Variants in COL16A1 observed in about 807,000 individuals in gnomAD.
COL16A1 encodes collagen type XVI alpha 1 chain, also known as collagen alpha-1(XVI) chain.
A neutral mutation model predicts 266.3 loss-of-function variants in COL16A1; 189 were observed. The ratio of observed to expected loss-of-function variants is 0.71; its 90% CI spans 0.63 to 0.80. COL16A1 has a LOEUF of 0.80. Among genes scored for constraint, COL16A1 ranks in the 30% least tolerant of loss-of-function variants. The pLI, the probability that COL16A1 is intolerant of heterozygous loss-of-function variation, is 0.00. For missense variants in COL16A1, 1,928 were observed against 2,122.4 expected, an observed-to-expected ratio of 0.91 and a Z score of 1.80; for synonymous variants, 740 against 782.3, an observed-to-expected ratio of 0.95 and a Z score of 0.90.
chr1:31,661,808 G>T, intron 58 of COL16A1, 104 bp from the exon 59 acceptor site: 1 of 1,267,456 alleles, frequency 7.9e-7, no homozygotes, highest in Non-Finnish European at 1.1e-6. Flanking sequence ...GCTATCCTAA[G>T]ATGGAGGGAA....
Position 31,684,517 on chromosome 1 carries a change from ACTAACCTTTTCTC to A in COL16A1, c.2153_2160+5del. The A allele has an allele frequency of 1.2e-6, 2 of 1,610,496 alleles. No homozygotes were observed. The highest frequency in any genetic ancestry group is 1.7e-6 in the Non-Finnish European group (2 of 1,178,350). Reference sequence around the variant, plus strand: ...TCCCCGACCCCAACCACCCCGCCTGACTAACCTTTTCTCCTTTTGGCCCCGCGGGGCCCTGAAC... The same window carrying A: ...TCCCCGACCCCAACCACCCCGCCTGACTTTTGGCCCCGCGGGGCCCTGAAC... On this transcript the variant is annotated splice_donor_variant and splice_donor_5th_base_variant and coding_sequence_variant and intron_variant, in exon 31 of 71. Transcript: ENST00000373672. LOFTEE classifies it high-confidence loss of function.
chr1:31,670,984 C>G lies in COL16A1; in HGVS notation c.3151-338G>C, dbSNP rs533815949. Among the ~76,000 whole-genome samples the G allele has an allele frequency of 4.7e-4, 72 of 152,306 alleles. No homozygotes were observed. The highest frequency in any genetic ancestry group is 1.7e-3 in the African/African-American group (70 of 41,568). The stretch of plus-strand genomic sequence containing the variant: ...TGCCTGCCACCCGACCTCCACCTGT[C>G]CCCCGAGTGGGGGGCTCCCTGGCTC... On this transcript the variant is annotated intron_variant, in intron 48 of 70. Coordinates refer to ENST00000373672, the MANE Select transcript of COL16A1 (RefSeq NM_001856.4). This position sits in a 1 kb window ranked among gnomAD's most constrained non-coding sequence, Gnocchi z 4.5.
chr1:31,653,723 A>T (rs761433638), intron 69 of COL16A1, 47 bp from the exon 70 acceptor site: 6 of 1,595,906 alleles, frequency 3.8e-6, no homozygotes, highest in Non-Finnish European at 5.1e-6. Flanking sequence ...CAGAAAAATG[A>T]CACAGCCAGT....
intron 17 of COL16A1, 65 bp downstream of exon 17, chr1:31,691,940 T>C: frequency 6.2e-7 from 1 of 1,609,802 alleles, no homozygotes; most frequent in South Asian, 1.1e-5. Context: ...TTCCCGAAGG[T>C]TAAATCCCAG....
intron 59 of COL16A1, 25 bp downstream of exon 59, chr1:31,661,635 A>C (rs770150031): frequency 6.2e-7 from 1 of 1,613,970 alleles, no homozygotes; most frequent in East Asian, 2.2e-5. Flanking sequence ...CGCAGCTTCC[A>C]ACTCCTTCCT....
chr1:31,691,593 C>G lies in COL16A1; in HGVS notation c.1302+5G>C. The G allele has an allele frequency of 6.2e-7, 1 of 1,613,942 alleles. No homozygotes were observed. Among genetic ancestry groups the G allele is most frequent in the African/African-American group, 1.3e-5 (1 of 75,068 alleles). ...ATCTCCACCCCACAAACATCCACAA[C>G]TCACCTTCTGCCCTTTGGGCCCAAT... On this transcript the variant is annotated splice_donor_5th_base_variant and intron_variant, in intron 18 of 70. Transcript: ENST00000373672.
intron 68 of COL16A1, 109 bp from the exon 69 acceptor site, chr1:31,654,152 C>T: frequency 1.4e-6 from 2 of 1,466,644 alleles, no homozygotes; most frequent in Non-Finnish European, 1.8e-6. Flanking sequence ...AGCAGCCTTC[C>T]TTCACAGGGA....
In COL16A1 at chr1:31,698,554, G is replaced by A. The variant is rs1310104398; in HGVS notation, c.319C>T (p.Leu107=). The A allele has an allele frequency of 2.5e-5, 41 of 1,614,002 alleles. No homozygotes were observed. The highest frequency in any genetic ancestry group is 3.1e-5 in the Non-Finnish European group (37 of 1,180,014). The change falls in exon 5 of 71, where the codon CTG becomes TTG. Residue 107 remains leucine (L), a synonymous_variant. Coordinates refer to ENST00000373672, the MANE Select transcript of COL16A1 (RefSeq NM_001856.4). This position sits in a 1 kb window ranked among gnomAD's most constrained non-coding sequence, Gnocchi z 4.1. The stretch of plus-strand genomic sequence containing the variant: ...TTCTGGTGGGTGTGTTTCTTCAGCA[G>A]TAGTGTCAGCACCAGGGCAAACTCC... ...PEEFALVLTL[L]LKKHTHQKTW...
At chr1:31,693,307 C>A (rs1242562656) in intron 12 of COL16A1, 153 bp from the exon 13 acceptor site, 22 of 637,370 alleles carry the variant, frequency 3.5e-5, no homozygotes, top group Non-Finnish European at 6.4e-5. Flanking sequence ...CCACGCCTCC[C>A]CCCACCACAC....
At chr1:31,677,712 G>C (rs1049592662) in intron 42 of COL16A1, among the ~76,000 whole-genome samples, 1 of 152,188 alleles carries the variant, frequency 6.6e-6, no homozygotes, top group African/African-American at 2.4e-5. Context: ...CCCTGAGCCT[G>C]TTTCTATACC....
At chr1:31,675,112 C>A (rs1235805958) in intron 43 of COL16A1, 73 bp from the exon 44 acceptor site, 2 of 1,610,918 alleles carry the variant, frequency 1.2e-6, no homozygotes, top group Admixed American at 1.7e-5. Flanking sequence ...TCAGGGAGAG[C>A]CTTGGGACAC....
intron 10 of COL16A1, 58 bp from the exon 11 acceptor site, chr1:31,695,279 C>G: frequency 6.6e-7 from 1 of 1,519,418 alleles, no homozygotes; most frequent in Non-Finnish European, 9.1e-7. Flanking sequence ...GAGCCCTCCC[C>G]ACCTCCATCA....
rs149355388 is a variant in COL16A1, at chr1:31,666,905, C to T, written c.3357+670G>A. Among the ~76,000 whole-genome samples, 125 of 152,330 alleles carry T rather than the reference C, an allele frequency of 8.2e-4. 2 individuals carry two copies. The East Asian group carries it at 0.012, about 14-fold the overall frequency. ...ATTCATCTGGCAGCTCCCTCCCCCA[C>T]GGCAGGGCAAGAGGGCAACTGCGCT... On this transcript the variant is annotated intron_variant, in intron 52 of 70. Coordinates refer to ENST00000373672, the MANE Select transcript of COL16A1 (RefSeq NM_001856.4).
intron 1 of COL16A1, among the ~76,000 whole-genome samples, chr1:31,703,308 T>C (rs746782608): frequency 5.3e-5 from 8 of 152,068 alleles, no homozygotes; most frequent in Non-Finnish European, 7.4e-5. Context: ...CAATCATGGA[T>C]AGGAAATGAA....
At position 31,668,200 on chromosome 1, in the gene COL16A1, C is replaced by G; in HGVS notation, c.3268G>C (p.Gly1090Arg). The G allele has an allele frequency of 6.2e-7, 1 of 1,613,354 alleles. No individual in the cohort carries two copies. Among genetic ancestry groups the G allele is most frequent in the Non-Finnish European group, 8.5e-7 (1 of 1,179,618 alleles). The change falls in exon 51 of 71, where the codon GGT (glycine) becomes CGT (arginine). Residue 1090 changes from glycine (G) to arginine (R), a missense_variant. Physicochemically the swap from Gly to Arg is moderately radical, Grantham distance 125. Coordinates refer to ENST00000373672, the MANE Select transcript of COL16A1 (RefSeq NM_001856.4). This position sits in a 1 kb window ranked among gnomAD's most constrained non-coding sequence, Gnocchi z 5.8. ...KGEPGPPGQPGYPGATGPPGL... is the reference protein window; with the variant it reads ...KGEPGPPGQPRYPGATGPPGL... ...GGGGGGCCCGTGGCACCTGGGTAAC[C>G]TGGTTGCCCTGGAGGACCCTGCAAA...
At chr1:31,680,824 C>T (rs11590964) in intron 39 of COL16A1, 81 bp downstream of exon 39, 902,006 of 1,606,446 alleles carry the variant, frequency 0.56, 257,006 homozygotes, top group South Asian at 0.61. Context: ...CTGCTAATCC[C>T]CCAGAGTACG....
chr1:31,663,047 T>G lies in COL16A1; in HGVS notation c.3556-389A>C. 2 of 263,822 alleles carry G rather than the reference T, an allele frequency of 7.6e-6. No individual in the cohort carries two copies. The highest frequency in any genetic ancestry group is 7.4e-6 in the Non-Finnish European group (1 of 134,412). 16.3% of individuals were successfully genotyped at this position (263,822 alleles called of 1,614,324 possible). A position where few individuals can be genotyped will look rare whatever the true frequency, so the allele number is the denominator to read the frequency against. ...CCTGCCTCCTCCCCACCTACCTCCC[T>G]ACCTTTCCCCCCATCCCAGCAGACA... On this transcript the variant is annotated intron_variant, in intron 56 of 70. Transcript: ENST00000373672. The surrounding 1 kb of genome is among the most constrained non-coding windows in gnomAD (Gnocchi z 4.9).
intron 48 of COL16A1, 68 bp downstream of exon 48, chr1:31,671,547 G>T: frequency 6.3e-7 from 1 of 1,599,796 alleles, no homozygotes; most frequent in Admixed American, 1.7e-5. Flanking sequence ...AAGGCCGCGG[G>T]ATGGTGTCTG....
chr1:31,670,504 A>AG lies in COL16A1; in HGVS notation c.3195+97dup. 7.8e-7 allele frequency: 1 copy of AG among 1,280,836 alleles called. No individual in the cohort carries two copies. Among genetic ancestry groups the AG allele is most frequent in the Non-Finnish European group, 1.0e-6 (1 of 1,001,814 alleles). 79.3% of individuals were successfully genotyped at this position (1,280,836 alleles called of 1,614,324 possible). On this transcript the variant is annotated intron_variant, in intron 49 of 70. Coordinates refer to ENST00000373672, the MANE Select transcript of COL16A1 (RefSeq NM_001856.4). This position sits in a 1 kb window ranked among gnomAD's most constrained non-coding sequence, Gnocchi z 4.5. ...GCCTGAAGGGGGACAACAAACACGG[A>AG]GGACGGAGGTGAAGGCACGACAGGA... is the stretch of plus-strand genomic sequence containing the variant.
Sources: gnomAD v4.1 joint callset for allele counts (sites outside exome capture counted in the v4.1 genomes callset) on GRCh38, gnomAD v4.1.1 for gene constraint, Gnocchi (gnomAD v3.1) non-coding constraint, MANE v1.5 for transcripts, NCBI Gene and HGNC (gene_info 2026-07-23, HGNC 2026-07-21) for gene names.